The following SH2D4A variants were observed in gnomAD, a reference collection of about 807,000 sequenced individuals.
SH2D4A encodes the protein SH2 domain-containing protein 4A.
In SH2D4A, 70 loss-of-function variants were observed where a neutral mutation model predicts 64.7. The observed-to-expected ratio is 1.08, with a 90% CI of 0.89 to 1.32. The LOEUF (loss-of-function observed/expected upper bound fraction) is 1.32, where lower values mean the gene tolerates loss of function less well. SH2D4A is among the 40% of genes most tolerant of loss of function. The pLI is 0.00. For missense variants in SH2D4A, 706 were observed against 540.1 expected, an observed-to-expected ratio of 1.31 and a Z score of -3.04; for synonymous variants, 268 against 200.7, an observed-to-expected ratio of 1.34 and a Z score of -2.83.
At chr8:19,320,723 C>T (rs905521424) in intron 2 of SH2D4A, among the ~76,000 whole-genome samples, 7 of 152,046 alleles carry the variant, frequency 4.6e-5, no homozygotes, top group African/African-American at 1.7e-4. Context: ...CACTAACCCC[C>T]ACACCCCCGC....
chr8:19,382,823 CT>C (rs1159245319), intron 8 of SH2D4A, among the ~76,000 whole-genome samples: 1,258 of 64,650 alleles, frequency 0.019, 1 homozygote, highest in South Asian at 0.049. Context: ...TTTTAAGATT[CT>C]TTTTTTTTTT....
intron 2 of SH2D4A, among the ~76,000 whole-genome samples, chr8:19,331,199 T>G (rs1218550691): frequency 1.3e-5 from 2 of 152,176 alleles, no homozygotes; most frequent in South Asian, 2.1e-4. Context: ...TGGTAATGTA[T>G]CCCAAGGCCA....
intron 7 of SH2D4A, among the ~76,000 whole-genome samples, chr8:19,366,256 A>G (rs993045386): frequency 6.6e-6 from 1 of 152,218 alleles, no homozygotes; most frequent in African/African-American, 2.4e-5. Flanking sequence ...TCAAATCAGT[A>G]TAACTCACAT....
At chr8:19,314,096 GGGGC>G (rs1448102194) in intron 1 of SH2D4A, 1 of 1,176,040 alleles carries the variant, frequency 8.5e-7, no homozygotes, top group East Asian at 3.8e-5. Context: ...GGCGGTCCCC[GGGGC>G]CTGGGGGCTT....
At chr8:19,373,783 T>A in intron 8 of SH2D4A, 123 bp downstream of exon 8, 1 of 1,320,050 alleles carries the variant, frequency 7.6e-7, no homozygotes. Context: ...TCTTTCAGAT[T>A]ATTTCACAAA....
In SH2D4A at chr8:19,373,455, T is replaced by TATATATATATATACACACACCC. The variant is rs1554485279; in HGVS notation, c.918-65_918-64insATACACACACCCATATATATAT. On this transcript the variant is annotated intron_variant, in intron 7 of 9. Transcript: ENST00000265807. The stretch of plus-strand genomic sequence containing the variant: ...ATGTATGTGTGTGTGTATATATATA[T>TATATATATATATACACACACCC]ATATATATATGACTTTTGAGGGCAT... The TATATATATATATACACACACCC allele has an allele frequency of 7.0e-4, 676 of 962,306 alleles. 5 individuals carry two copies. In the African/African-American group the frequency reaches 0.011, roughly 15 times the overall value. 59.6% of individuals were successfully genotyped at this position (962,306 alleles called of 1,614,324 possible).
At position 19,386,243 on chromosome 8, in the gene SH2D4A, T is replaced by G. The variant is rs546581938; in HGVS notation, c.1049-7075T>G. Reference sequence around the variant, plus strand: ...AAAATTGCCTAGTATTTGTTCAGATTGTAAAGCAGCTGGAGAAGATGAAAC... The same window carrying G: ...AAAATTGCCTAGTATTTGTTCAGATGGTAAAGCAGCTGGAGAAGATGAAAC... On this transcript the variant is annotated intron_variant, in intron 8 of 9. Transcript: ENST00000265807. Among the ~76,000 whole-genome samples the G allele has an allele frequency of 5.3e-5, 8 of 152,372 alleles. No individual in the cohort carries two copies. In the South Asian group the frequency reaches 1.7e-3, roughly 32 times the overall value.
At chr8:19,356,042 C>G (rs564452044) in intron 4 of SH2D4A, among the ~76,000 whole-genome samples, 1 of 152,306 alleles carries the variant, frequency 6.6e-6, no homozygotes, top group Admixed American at 6.5e-5. Context: ...CTTTTGTAGT[C>G]TAAGTATCTG....
intron 4 of SH2D4A, among the ~76,000 whole-genome samples, chr8:19,335,248 A>G (rs953736392): frequency 1.3e-5 from 2 of 151,830 alleles, no homozygotes; most frequent in Admixed American, 6.6e-5. Context: ...AGATTGCGAC[A>G]CTGCACTCCA....
At chr8:19,348,082 A>G (rs935453164) in intron 4 of SH2D4A, among the ~76,000 whole-genome samples, 1 of 152,070 alleles carries the variant, frequency 6.6e-6, no homozygotes, top group African/African-American at 2.4e-5. Context: ...GGTGGTTTTC[A>G]GTTTTTGTGT....
chr8:19,384,037 A>T (rs954655879), intron 8 of SH2D4A, among the ~76,000 whole-genome samples: 3 of 152,210 alleles, frequency 2.0e-5, no homozygotes, highest in African/African-American at 7.2e-5. Context: ...GTTTAAGTTC[A>T]TCTCTCCTGT....
rs1004921638 is a variant in SH2D4A at position 19,323,312 on chromosome 8, T to A, written c.181+3584T>A. ...CACATTAATAATTGTATATTCCTTATATATGGAACTGATGATATTTTGTAT... is the reference window on the plus strand; with the variant it reads ...CACATTAATAATTGTATATTCCTTAAATATGGAACTGATGATATTTTGTAT... On this transcript the variant is annotated intron_variant, in intron 2 of 9. Transcript: ENST00000265807. 2.0e-5 allele frequency among the ~76,000 whole-genome samples: 3 copies of A among 152,120 alleles called. No individual in the cohort carries two copies. In the East Asian group the frequency reaches 5.8e-4, roughly 29 times the overall value.
intron 8 of SH2D4A, among the ~76,000 whole-genome samples, chr8:19,390,862 A>G (rs546099082): frequency 2.0e-5 from 3 of 152,300 alleles, no homozygotes; most frequent in Admixed American, 6.5e-5. Flanking sequence ...ACCTCATTTT[A>G]AAAGGAATTT....
intron 9 of SH2D4A, 59 bp from the exon 10 acceptor site, chr8:19,394,491 G>A (rs550233066): frequency 4.2e-6 from 5 of 1,201,898 alleles, no homozygotes; most frequent in Middle Eastern, 2.0e-4. Context: ...CTCTGAGGAA[G>A]TAGGAAGAGC....
Position 19,319,326 on chromosome 8 carries a change from G to C in SH2D4A, c.-204-18G>C. ...CATTTTAACACGCTGCCTGAATGTG[G>C]GCTCTTTCTCTCTGCAGGTTCAGTG... is the stretch of plus-strand genomic sequence containing the variant. On this transcript the variant is annotated intron_variant, in intron 1 of 9. Transcript: ENST00000265807. 2 of 1,201,814 alleles carry C rather than the reference G, an allele frequency of 1.7e-6. No homozygotes were observed. The highest frequency in any genetic ancestry group is 1.0e-6 in the Non-Finnish European group (1 of 969,142). 74.4% of individuals were successfully genotyped at this position (1,201,814 alleles called of 1,614,324 possible). A position where few individuals can be genotyped will look rare whatever the true frequency, so the allele number is the denominator to read the frequency against.
intron 6 of SH2D4A, chr8:19,363,805 A>C: frequency 2.1e-6 from 1 of 475,462 alleles, no homozygotes; most frequent in Non-Finnish European, 3.8e-6. Flanking sequence ...CACTTTCTCT[A>C]CTTCTCTCTC....
chr8:19,326,726 C>A (rs535239039), intron 2 of SH2D4A, among the ~76,000 whole-genome samples: 3 of 152,052 alleles, frequency 2.0e-5, no homozygotes, highest in Non-Finnish European at 2.9e-5. Flanking sequence ...CTCGCACACA[C>A]GTCTTTTACT....
rs1011866702 is a variant in SH2D4A, at chr8:19,380,115, T to C, written c.1048+6455T>C. Among the ~76,000 whole-genome samples, 15 of 152,192 alleles carry C rather than the reference T, an allele frequency of 9.9e-5. 1 individual carries two copies. The highest frequency in any genetic ancestry group is 1.8e-4 in the Non-Finnish European group (12 of 68,030). On this transcript the variant is annotated intron_variant, in intron 8 of 9. Transcript: ENST00000265807. ...ATGTCATTACGGTTTTGAGTTGCAT[T>C]TCCCTAATGACTAGTAATGTTGAGC...
At chr8:19,371,694 T>G (rs2053101370) in intron 7 of SH2D4A, among the ~76,000 whole-genome samples, 1 of 152,162 alleles carries the variant, frequency 6.6e-6, no homozygotes, top group Admixed American at 6.5e-5. Flanking sequence ...CTTTAATAAC[T>G]CCAATATTTA....
Sources: allele counts gnomAD v4.1 joint callset (sites outside exome capture counted in the v4.1 genomes callset), GRCh38; gene constraint gnomAD v4.1.1; transcripts MANE v1.5; gene names NCBI Gene and HGNC (gene_info 2026-07-23, HGNC 2026-07-21).